AACS: variants seen among roughly 807,000 people sequenced by gnomAD.
The protein encoded by AACS is acetoacetyl-CoA synthetase.
AACS carries 69 observed loss-of-function variants against 83.1 expected under a neutral mutation model. The observed-to-expected ratio is 0.83, with a 90% CI of 0.68 to 1.01. The LOEUF (loss-of-function observed/expected upper bound fraction) is 1.01. Among genes scored for constraint, AACS ranks in the 50% least tolerant of loss-of-function variants. The pLI, the probability that AACS is intolerant of heterozygous loss-of-function variation, is 0.00. For synonymous variants in AACS, 333 were observed against 343.4 expected, an observed-to-expected ratio of 0.97 and a Z score of 0.33; for missense variants, 866 against 882.2, an observed-to-expected ratio of 0.98 and a Z score of 0.23.
At chr12:125,128,308 T>G (rs1342156291) in intron 13 of AACS, 34 bp downstream of exon 13, 14 of 1,580,664 alleles carry the variant, frequency 8.9e-6, no homozygotes, top group African/African-American at 1.3e-5. Context: ...TTTCTGTGAT[T>G]AGGCGTGAGT....
chr12:125,076,646 G>T, intron 3 of AACS, 35 bp downstream of exon 3: 1 of 1,612,554 alleles, frequency 6.2e-7, no homozygotes, highest in Non-Finnish European at 8.5e-7. Flanking sequence ...GATTTCCTCC[G>T]TGGAAGTTCT....
At chr12:125,128,339 G>C (rs1203160504) in intron 13 of AACS, 65 bp downstream of exon 13, 27 of 1,427,202 alleles carry the variant, frequency 1.9e-5, no homozygotes, top group Non-Finnish European at 2.2e-5. Context: ...GGAGCGTTCG[G>C]ATGTGTAACT....
In AACS at chr12:125,136,793, C is replaced by G. The variant is rs778996743; in HGVS notation, c.1810C>G (p.Arg604Gly). ...CCAGCCTGACTTGGTTAAGAGGATC[C>G]GTGACGCCATCCGCATGGGCTTGTC... Reference protein sequence around the residue: ...AFQPDLVKRIRDAIRMGLSAR... With the variant: ...AFQPDLVKRIGDAIRMGLSAR... The change falls in exon 17 of 18, where the codon CGT becomes GGT. Residue 604 changes from arginine (R) to glycine (G), a missense_variant. Coordinates refer to ENST00000316519, the MANE Select transcript of AACS (RefSeq NM_023928.5). 6.2e-7 allele frequency: 1 copy of G among 1,614,048 alleles called. No homozygotes were observed. The highest frequency in any genetic ancestry group is 8.5e-7 in the Non-Finnish European group (1 of 1,180,030).
At chr12:125,092,877 G>A (rs1175249072) in intron 5 of AACS, among the ~76,000 whole-genome samples, 1 of 152,220 alleles carries the variant, frequency 6.6e-6, no homozygotes, top group Admixed American at 6.5e-5. Context: ...CTTGAGCCAG[G>A]CTGTCCAGGG....
chr12:125,092,159 A>C (rs1477789291), intron 5 of AACS, among the ~76,000 whole-genome samples: 1 of 151,638 alleles, frequency 6.6e-6, no homozygotes, highest in Non-Finnish European at 1.5e-5. Context: ...TGGGGCCCCC[A>C]CTCCCCAGCC....
In AACS at chr12:125,142,163, A is replaced by G; in HGVS notation, c.1953A>G (p.Gly651=). The G allele has an allele frequency of 3.1e-6, 5 of 1,614,148 alleles. No homozygotes were observed. The highest frequency in any genetic ancestry group is 4.2e-6 in the Non-Finnish European group (5 of 1,180,028). Residue 651 remains glycine (G), a synonymous_variant, in exon 18 of 18, where the codon GGA becomes GGG. Coordinates refer to ENST00000316519, the MANE Select transcript of AACS (RefSeq NM_023928.5). Reference sequence around the variant, plus strand: ...TCGCTGGAAAAGCCGTGGAGCAAGGAGGTGCTTTCTCGAACCCCGAGACCC... The same window carrying G: ...TCGCTGGAAAAGCCGTGGAGCAAGGGGGTGCTTTCTCGAACCCCGAGACCC... ...QIIAGKAVEQ[G]GAFSNPETLD... is the part of the protein sequence containing the mutation.
intron 3 of AACS, among the ~76,000 whole-genome samples, chr12:125,083,501 T>C (rs1167652858): frequency 6.6e-6 from 1 of 152,198 alleles, no homozygotes; most frequent in African/African-American, 2.4e-5. Flanking sequence ...AATTGGTATC[T>C]TCCTGTTTTA....
intron 3 of AACS, among the ~76,000 whole-genome samples, chr12:125,081,844 C>G (rs565041473): frequency 6.6e-6 from 1 of 150,718 alleles, no homozygotes; most frequent in South Asian, 2.1e-4. Context: ...AGGGCAGACG[C>G]GTACAACTCT....
intron 5 of AACS, among the ~76,000 whole-genome samples, chr12:125,100,718 A>G (rs1338654928): frequency 6.6e-6 from 1 of 152,174 alleles, no homozygotes; most frequent in African/African-American, 2.4e-5. Flanking sequence ...TGTCCGATTC[A>G]TTAGGTCTGG....
intron 9 of AACS, among the ~76,000 whole-genome samples, chr12:125,115,556 G>C (rs1957039610): frequency 6.6e-6 from 1 of 152,152 alleles, no homozygotes. Flanking sequence ...CACCGCCCCT[G>C]GCCTGCTGAG....
intron 3 of AACS, among the ~76,000 whole-genome samples, chr12:125,080,422 C>T (rs1282869536): frequency 6.6e-6 from 1 of 152,002 alleles, no homozygotes; most frequent in African/African-American, 2.4e-5. Flanking sequence ...CCAGTCTTCC[C>T]AGAACTTGTA....
At position 125,129,397 on chromosome 12, in the gene AACS, A is replaced by G. The variant is rs1251587568; in HGVS notation, c.1486A>G (p.Thr496Ala). The change falls in exon 14 of 18, where the codon ACA becomes GCA. Residue 496 changes from threonine to alanine, a missense_variant. By Grantham distance (58) the Thr-to-Ala change is moderately conservative. Transcript: ENST00000316519. This position sits in a 1 kb window ranked among gnomAD's most constrained non-coding sequence, Gnocchi z 4.3. ...VCTKPIPCQP[T>A]HFWNDENGNK... ...TACTAAGCCGATCCCTTGCCAGCCCACACACTTCTGGAACGATGAGAACGG... is the reference window on the plus strand; with the variant it reads ...TACTAAGCCGATCCCTTGCCAGCCCGCACACTTCTGGAACGATGAGAACGG... The G allele has an allele frequency of 6.2e-7, 1 of 1,613,972 alleles. No individual in the cohort carries two copies. Among genetic ancestry groups the G allele is most frequent in the African/African-American group, 1.3e-5 (1 of 74,894 alleles).
chr12:125,102,652 A>G (rs1245436680), intron 5 of AACS, 27 bp from the exon 6 acceptor site: 9 of 1,607,070 alleles, frequency 5.6e-6, no homozygotes, highest in African/African-American at 2.7e-5. Context: ...TGGATGATCA[A>G]TGATGACTTT....
At chr12:125,128,122 G>A in intron 12 of AACS, 39 bp from the exon 13 acceptor site, 1 of 1,501,380 alleles carries the variant, frequency 6.7e-7, no homozygotes, top group Non-Finnish European at 9.2e-7. Flanking sequence ...TTTGTCTTGG[G>A]CTTCTAAATT....
At chr12:125,104,609 G>T (rs552377196) in intron 7 of AACS, among the ~76,000 whole-genome samples, 71 of 152,304 alleles carry the variant, frequency 4.7e-4, no homozygotes, top group African/African-American at 1.6e-3. Context: ...AGCAGGGTCT[G>T]GGGACAGCTG....
chr12:125,074,102 C>A (rs1955952440), intron 2 of AACS, 123 bp downstream of exon 2: 1 of 774,122 alleles, frequency 1.3e-6, no homozygotes, highest in Admixed American at 2.6e-5. Context: ...GGGAAAAAGT[C>A]ATTGCCCTAG....
chr12:125,137,614 C>G (rs551567841), intron 17 of AACS, among the ~76,000 whole-genome samples: 1 of 152,328 alleles, frequency 6.6e-6, no homozygotes, highest in Admixed American at 6.5e-5. Flanking sequence ...CCCCCAGCCC[C>G]TGGCCCCAGT....
chr12:125,112,429 C>G (rs562977482), intron 8 of AACS, among the ~76,000 whole-genome samples: 2 of 151,894 alleles, frequency 1.3e-5, no homozygotes, highest in African/African-American at 4.8e-5. Flanking sequence ...GCTTGTAATC[C>G]CAGCATTTTG....
rs1380042970 is a variant in AACS at position 125,111,882 on chromosome 12, A to T, written c.916-2595A>T. On this transcript the variant is annotated intron_variant, in intron 8 of 17. Coordinates refer to ENST00000316519, the MANE Select transcript of AACS (RefSeq NM_023928.5). Reference sequence around the variant, plus strand: ...CGATGGATGTAACTTGTTAAGAGTCACACAGAGAAATTCTTGAGAGAGGAG... The same window carrying T: ...CGATGGATGTAACTTGTTAAGAGTCTCACAGAGAAATTCTTGAGAGAGGAG... Among the ~76,000 whole-genome samples, 6 of 152,206 alleles carry T rather than the reference A, an allele frequency of 3.9e-5. No individual in the cohort carries two copies. In the East Asian group the frequency reaches 1.2e-3, roughly 29 times the overall value.
Sources: gnomAD v4.1 joint callset for allele counts (sites outside exome capture counted in the v4.1 genomes callset) on GRCh38, gnomAD v4.1.1 for gene constraint, Gnocchi (gnomAD v3.1) non-coding constraint, MANE v1.5 for transcripts, NCBI Gene and HGNC (gene_info 2026-07-23, HGNC 2026-07-21) for gene names.